DZIP1L: variants seen among roughly 807,000 people sequenced by gnomAD.
DZIP1L encodes DAZ interacting zinc finger protein 1 like, also known as cilium assembly protein DZIP1L.
In DZIP1L, 90 loss-of-function variants were observed where a neutral mutation model predicts 88.7. That is an observed-to-expected ratio of 1.02 (90% CI 0.86 to 1.21). The LOEUF is 1.21. Ranked by LOEUF, DZIP1L falls within the 50% of genes most tolerant of loss-of-function variation. The probability of loss-of-function intolerance (pLI) is 0.00; values close to 1 mark genes in which losing one functional copy is unlikely to be tolerated. For synonymous variants in DZIP1L, 363 were observed against 372.1 expected (o/e 0.98, Z 0.28); for missense variants, 932 against 955.8 (o/e 0.98, Z 0.33).
intron 1 of DZIP1L, among the ~76,000 whole-genome samples, chr3:138,112,117 G>GCC (rs571821166): frequency 0.015 from 2,286 of 152,102 alleles, 33 homozygotes; most frequent in Middle Eastern, 0.034. Flanking sequence ...CACTGTGCCT[G>GCC]CCTTTAAAAG....
chr3:138,067,205 A>G (rs1021880014), intron 14 of DZIP1L, among the ~76,000 whole-genome samples: 44 of 152,086 alleles, frequency 2.9e-4, no homozygotes, highest in Non-Finnish European at 5.3e-4. Flanking sequence ...AGCTGGCCAC[A>G]GTGTTTACTC....
chr3:138,089,052 T>C (rs1398852274), intron 5 of DZIP1L: 4 of 985,462 alleles, frequency 4.1e-6, no homozygotes, highest in Middle Eastern at 5.2e-4. Context: ...GAGGATGCCT[T>C]TCCACCCACC....
chr3:138,107,659 G>T (rs1170332642), intron 1 of DZIP1L, among the ~76,000 whole-genome samples: 1 of 152,088 alleles, frequency 6.6e-6, no homozygotes, highest in African/African-American at 2.4e-5. Flanking sequence ...CTAAAATATT[G>T]CTTTGATCAG....
At chr3:138,091,286 T>C (rs1329443660) in intron 5 of DZIP1L, among the ~76,000 whole-genome samples, 2 of 151,922 alleles carry the variant, frequency 1.3e-5, no homozygotes, top group Non-Finnish European at 2.9e-5. Flanking sequence ...TAAGTGACCT[T>C]GGGCAAGTTA....
intron 12 of DZIP1L, among the ~76,000 whole-genome samples, chr3:138,071,389 C>T (rs1381535788): frequency 2.0e-5 from 3 of 152,212 alleles, no homozygotes; most frequent in East Asian, 3.9e-4. Context: ...AGGCTGACAA[C>T]AGGCTCCAGC....
At position 138,086,923 on chromosome 3, in the gene DZIP1L, G is replaced by A. The variant is rs1196791270; in HGVS notation, c.1062+38C>T. 3.1e-6 allele frequency: 5 copies of A among 1,609,826 alleles called. No homozygotes were observed. In the Admixed American group the frequency reaches 8.4e-5, roughly 27 times the overall value. ...TGCTGAATTCTGAGAGGAGGTCACA[G>A]GAAACCAAGCTCCCCGAGATCACCC... On this transcript the variant is annotated intron_variant, in intron 7 of 15. Transcript: ENST00000327532.
rs143605646 is a variant in DZIP1L at position 138,084,163 on chromosome 3, G to A, written c.1153C>T (p.Arg385Cys). 38 of 1,614,058 alleles carry A rather than the reference G, an allele frequency of 2.4e-5. No homozygotes were observed. The highest frequency in any genetic ancestry group is 1.1e-4 in the African/African-American group (8 of 74,934). ...CTAGCTTGTTCCTGCAGCTGGGCAC[G>A]GAGGGTGCTGATCTGGCACTGGGAC... ...AQSQCQISTL[R>C]AQLQEQARII... The change falls in exon 8 of 16, where the codon CGT becomes TGT. Residue 385 changes from arginine to cysteine, a missense_variant. By Grantham distance (180) the Arg-to-Cys change is radical (BLOSUM62 -3). Coordinates refer to ENST00000327532, the MANE Select transcript of DZIP1L (RefSeq NM_173543.3).
intron 12 of DZIP1L, chr3:138,068,920 A>C: frequency 8.0e-7 from 1 of 1,254,458 alleles, no homozygotes; most frequent in Non-Finnish European, 1.0e-6. Flanking sequence ...GTCCCGGATC[A>C]GCAAGTTTTT....
chr3:138,078,071 G>A (rs1352551594), intron 10 of DZIP1L, among the ~76,000 whole-genome samples: 2 of 152,188 alleles, frequency 1.3e-5, no homozygotes, highest in Non-Finnish European at 2.9e-5. Context: ...TAAGTCTGGG[G>A]GAGGACCCTA....
intron 11 of DZIP1L, among the ~76,000 whole-genome samples, chr3:138,072,850 T>C (rs146822747): frequency 7.2e-5 from 11 of 152,294 alleles, no homozygotes; most frequent in Admixed American, 2.6e-4. Context: ...GACCGGACTT[T>C]AGGACCGCAG....
intron 3 of DZIP1L, among the ~76,000 whole-genome samples, chr3:138,096,083 G>T (rs1261917790): frequency 6.6e-6 from 1 of 152,038 alleles, no homozygotes; most frequent in Non-Finnish European, 1.5e-5. Flanking sequence ...CGTTTCTCAG[G>T]TTGGACATTT....
At chr3:138,087,110 A>T (rs1262058704) in intron 6 of DZIP1L, 87 bp from the exon 7 acceptor site, 1 of 1,223,508 alleles carries the variant, frequency 8.2e-7, no homozygotes, top group Non-Finnish European at 1.2e-6. Context: ...GTACTGGCTC[A>T]TGGGTAGGCA....
chr3:138,062,558 C>G lies in DZIP1L; in HGVS notation c.*258G>C. The G allele has an allele frequency of 2.5e-6, 1 of 404,460 alleles. No individual in the cohort carries two copies. The highest frequency in any genetic ancestry group is 4.5e-6 in the Non-Finnish European group (1 of 222,954). 25.1% of individuals were successfully genotyped at this position (404,460 alleles called of 1,614,324 possible). On this transcript the variant is annotated 3_prime_UTR_variant, in exon 16 of 16. Transcript: ENST00000327532. ...ATGTGGAGGTAGAGGAAGAAAACTA[C>G]CTGGAGGTTCTATTTTAACCCTTTC...
intron 1 of DZIP1L, among the ~76,000 whole-genome samples, chr3:138,105,932 G>C (rs2042470367): frequency 6.6e-6 from 1 of 151,898 alleles, no homozygotes; most frequent in South Asian, 2.1e-4. Context: ...GAGATTACAG[G>C]ACTTTTATTT....
chr3:138,105,112 A>G (rs941004190), intron 1 of DZIP1L, among the ~76,000 whole-genome samples: 2 of 152,188 alleles, frequency 1.3e-5, no homozygotes, highest in African/African-American at 4.8e-5. Flanking sequence ...TCTCCAATAT[A>G]TATATATGTA....
At chr3:138,094,789 G>T in intron 4 of DZIP1L, 73 bp downstream of exon 4, 1 of 1,587,800 alleles carries the variant, frequency 6.3e-7, no homozygotes, top group African/African-American at 1.4e-5. Context: ...TGCCCTGTGG[G>T]ATTCATGTGC....
chr3:138,108,838 T>A (rs560874884), intron 1 of DZIP1L, among the ~76,000 whole-genome samples: 1 of 152,364 alleles, frequency 6.6e-6, no homozygotes, highest in African/African-American at 2.4e-5. Flanking sequence ...TGGCAACTCA[T>A]TCTCCATCTT....
chr3:138,106,901 G>A (rs2042511330), intron 1 of DZIP1L, among the ~76,000 whole-genome samples: 1 of 151,684 alleles, frequency 6.6e-6, no homozygotes, highest in South Asian at 2.1e-4. Context: ...AGAGAGAGAA[G>A]GGCCTCCAGG....
At chr3:138,072,328 G>A (rs752903405) in intron 11 of DZIP1L, among the ~76,000 whole-genome samples, 9 of 152,174 alleles carry the variant, frequency 5.9e-5, no homozygotes, top group Non-Finnish European at 8.8e-5. Context: ...TCCACCCAGA[G>A]CCCATGGGAG....
Sources: gnomAD v4.1 joint callset for allele counts (sites outside exome capture counted in the v4.1 genomes callset) on GRCh38, gnomAD v4.1.1 for gene constraint, MANE v1.5 for transcripts, NCBI Gene and HGNC (gene_info 2026-07-23, HGNC 2026-07-21) for gene names.